Variants in WARS1 observed in about 807,000 individuals in gnomAD.
The protein encoded by WARS1 is tryptophanyl-tRNA synthetase 1, also known as tryptophan--tRNA ligase, cytoplasmic.
Under a neutral mutation model 47.8 loss-of-function variants are expected in WARS1, and 17 were observed. The ratio of observed to expected loss-of-function variants is 0.36; its 90% CI spans 0.24 to 0.53. The LOEUF (loss-of-function observed/expected upper bound fraction) is 0.53, where lower values mean the gene tolerates loss of function less well. Among genes scored for constraint, WARS1 ranks in the 20% least tolerant of loss-of-function variants. The pLI, the probability that WARS1 is intolerant of heterozygous loss-of-function variation, is 0.91. For synonymous variants in WARS1, 208 were observed against 228.1 expected (o/e 0.91, Z 0.79); for missense variants, 434 against 608.0 (o/e 0.71, Z 3.01).
intron 5 of WARS1, 154 bp from the exon 6 acceptor site, chr14:100,354,023 G>T (rs1895161410): frequency 4.4e-6 from 3 of 681,216 alleles, no homozygotes; most frequent in East Asian, 2.7e-5. Flanking sequence ...TTTGACTATG[G>T]ATAATGATAA....
chr14:100,360,643 T>G lies in WARS1; in HGVS notation c.333A>C (p.Lys111Asn). The change falls in exon 4 of 11, where the codon AAA becomes AAC. Residue 111 changes from lysine to asparagine, a missense_variant. Transcript: ENST00000392882. Reference sequence around the variant, plus strand: ...TTCGGTTTATTAGCTCTTTGTCAATTTTACTACTTCCAAACCGAACTGGAA... The same window carrying G: ...TTCGGTTTATTAGCTCTTTGTCAATGTTACTACTTCCAAACCGAACTGGAA... Reference protein sequence around the residue: ...DKLIVRFGSSKIDKELINRIE... With the variant: ...DKLIVRFGSSNIDKELINRIE... 1 of 1,613,846 alleles carries G rather than the reference T, an allele frequency of 6.2e-7. No individual in the cohort carries two copies. Among genetic ancestry groups the G allele is most frequent in the Non-Finnish European group, 8.5e-7 (1 of 1,179,810 alleles).
At chr14:100,351,280 G>A (rs1401534136) in intron 6 of WARS1, among the ~76,000 whole-genome samples, 1 of 152,166 alleles carries the variant, frequency 6.6e-6, no homozygotes, top group Non-Finnish European at 1.5e-5. Context: ...AGAACCCACA[G>A]TTGTCTCTGC....
chr14:100,337,727 G>A (rs114886958), intron 9 of WARS1, among the ~76,000 whole-genome samples: 5 of 150,730 alleles, frequency 3.3e-5, no homozygotes, highest in African/African-American at 9.7e-5. Flanking sequence ...GTGTGGTGAC[G>A]TGCGCCTGTA....
intron 5 of WARS1, 91 bp from the exon 6 acceptor site, chr14:100,353,960 C>T (rs746954133): frequency 3.3e-5 from 40 of 1,230,566 alleles, no homozygotes; most frequent in African/African-American, 1.5e-4. Flanking sequence ...CTACTTACAA[C>T]GTATGTTAAA....
intron 1 of WARS1, among the ~76,000 whole-genome samples, chr14:100,371,464 A>AAAAAAAAAAAAAAAAAAAAAAAAAAAAAG: frequency 1.6e-5 from 2 of 124,364 alleles, no homozygotes; most frequent in Non-Finnish European, 3.3e-5. Context: ...AAAAAAAAAA[A>AAAAAAAAAAAAAAAAAAAAAAAAAAAAAG]AAAGTAGGCC....
chr14:100,354,313 AAAAGTGCCAACT>A, intron 5 of WARS1, 122 bp downstream of exon 5: 1 of 1,372,162 alleles, frequency 7.3e-7, no homozygotes. Context: ...TGGAAGCCAA[AAAAGTGCCAACT>A]CTTGACATCT....
At chr14:100,370,637 A>G (rs142110706) in intron 1 of WARS1, 1 of 152,190 alleles carries the variant, frequency 6.6e-6, no homozygotes, top group Non-Finnish European at 1.5e-5. Flanking sequence ...TAAGCCTTGC[A>G]GCAGTCCTAT....
At chr14:100,352,506 C>T (rs1019072989) in intron 6 of WARS1, among the ~76,000 whole-genome samples, 3 of 152,156 alleles carry the variant, frequency 2.0e-5, no homozygotes, top group African/African-American at 7.2e-5. Flanking sequence ...GCTCACCTGC[C>T]CCTTTAGTGT....
chr14:100,368,291 T>TA (rs1896131204), intron 2 of WARS1: 1 of 354,812 alleles, frequency 2.8e-6, no homozygotes, highest in Admixed American at 3.9e-5. Flanking sequence ...GCGAGAAAGT[T>TA]AGAGTACTCA....
chr14:100,362,223 T>C (rs915244034), intron 2 of WARS1, among the ~76,000 whole-genome samples: 1 of 152,232 alleles, frequency 6.6e-6, no homozygotes, highest in African/African-American at 2.4e-5. Flanking sequence ...TGACACAATA[T>C]ACACTGTCAT....
chr14:100,365,124 T>TACACACACACACACACACACACACAC (rs59205319), intron 2 of WARS1, among the ~76,000 whole-genome samples: 1 of 137,768 alleles, frequency 7.3e-6, no homozygotes, highest in Non-Finnish European at 1.5e-5. Context: ...TCTCAAAAAA[T>TACACACACACACACACACACACACAC]ACACACACAC....
chr14:100,343,253 C>G (rs912813063), intron 8 of WARS1, 22 bp downstream of exon 8: 2 of 1,588,388 alleles, frequency 1.3e-6, no homozygotes, highest in Non-Finnish European at 1.7e-6. Flanking sequence ...ACTTAGAGAG[C>G]CTTGCTTTTC....
chr14:100,374,162 A>G (rs1896504352), intron 1 of WARS1: 1 of 152,230 alleles, frequency 6.6e-6, no homozygotes, highest in African/African-American at 2.4e-5. Flanking sequence ...GAGATGCCAA[A>G]AGGTTAAGGA....
intron 9 of WARS1, chr14:100,342,081 A>C (rs1894198050): frequency 5.5e-6 from 2 of 363,048 alleles, no homozygotes; most frequent in South Asian, 4.6e-5. Context: ...ATCCACACTA[A>C]TTATAACTTT....
At chr14:100,359,447 T>TA (rs1354961876) in intron 4 of WARS1, among the ~76,000 whole-genome samples, 1 of 152,220 alleles carries the variant, frequency 6.6e-6, no homozygotes, top group Non-Finnish European at 1.5e-5. Flanking sequence ...ATCCCATTTA[T>TA]ATAAAATGCC....
At chr14:100,346,916 A>T (rs1216919813) in intron 6 of WARS1, 70 bp from the exon 7 acceptor site, 1 of 1,387,216 alleles carries the variant, frequency 7.2e-7, no homozygotes, top group Non-Finnish European at 1.0e-6. Flanking sequence ...CACAGTTATT[A>T]AAATTGGATG....
In WARS1 at chr14:100,369,204, A is replaced by G. The variant is rs1896191484; in HGVS notation, c.-19T>C. 7.1e-7 allele frequency: 1 copy of G among 1,410,254 alleles called. No homozygotes were observed. Among genetic ancestry groups the G allele is most frequent in the Non-Finnish European group, 9.4e-7 (1 of 1,059,188 alleles). The allele number at this position is 1,410,254 out of a possible 1,614,324, so 87.4% of individuals were successfully genotyped here. On this transcript the variant is annotated 5_prime_UTR_variant, in exon 2 of 11. Transcript: ENST00000392882. Reference sequence around the variant, plus strand: ...TGGGCATGTTTGCTATCTCTCAGGAACTACGTTCACAGCCGGCCTGAGGTC... The same window carrying G: ...TGGGCATGTTTGCTATCTCTCAGGAGCTACGTTCACAGCCGGCCTGAGGTC...
chr14:100,367,855 A>C (rs1261495320), intron 2 of WARS1, among the ~76,000 whole-genome samples: 2 of 152,162 alleles, frequency 1.3e-5, no homozygotes, highest in African/African-American at 4.8e-5. Flanking sequence ...TTTAGGTAAA[A>C]TAAATACGCT....
intron 1 of WARS1, among the ~76,000 whole-genome samples, chr14:100,374,486 G>A (rs1347041100): frequency 6.6e-6 from 1 of 152,210 alleles, no homozygotes; most frequent in Admixed American, 6.5e-5. Context: ...TGGTGGAGGA[G>A]CATAATAGGC....
Sources: allele counts gnomAD v4.1 joint callset (sites outside exome capture counted in the v4.1 genomes callset), GRCh38; gene constraint gnomAD v4.1.1; transcripts MANE v1.5; gene names NCBI Gene and HGNC (gene_info 2026-07-23, HGNC 2026-07-21).